The following PCDH7 variants were observed in gnomAD, a reference collection of about 807,000 sequenced individuals.
The protein encoded by PCDH7 is protocadherin-7.
PCDH7 carries 17 observed loss-of-function variants against 58.9 expected under a neutral mutation model. The observed-to-expected ratio is 0.29, with a 90% CI of 0.20 to 0.43. PCDH7 has a LOEUF of 0.43. Ranked by LOEUF, PCDH7 falls within the 20% of genes least tolerant of loss-of-function variation. PCDH7 has a pLI of 1.00. For synonymous variants in PCDH7, 664 were observed against 616.4 expected (o/e 1.08, Z -1.14); for missense variants, 1,274 against 1,441.0 (o/e 0.88, Z 1.88).
chr4:30,952,821 A>C (rs759566798), intron 3 of PCDH7, among the ~76,000 whole-genome samples: 1 of 152,106 alleles, frequency 6.6e-6, no homozygotes, highest in Non-Finnish European at 1.5e-5. Flanking sequence ...GGAGCTATGC[A>C]TTTAGAACTA....
Position 30,795,661 on chromosome 4 carries a change from C to CT in PCDH7, c.70+71066dup, listed in dbSNP as rs531549386. On this transcript the variant is annotated intron_variant, in intron 1 of 3. Transcript: ENST00000509759. ...GCAAGGTTGTGTCTGATTTTAAACC[C>CT]TAATTTCCCTAAATGTTTGCAGGCA... Among the ~76,000 whole-genome samples, 513 of 152,280 alleles carry CT rather than the reference C, an allele frequency of 3.4e-3. 3 individuals are homozygous for CT. Among genetic ancestry groups the CT allele is most frequent in the African/African-American group, 0.012 (487 of 41,546 alleles).
intron 3 of PCDH7, among the ~76,000 whole-genome samples, chr4:31,020,664 A>C (rs1753952214): frequency 6.6e-6 from 1 of 152,212 alleles, no homozygotes; most frequent in Admixed American, 6.5e-5. Flanking sequence ...GAAACTAAAC[A>C]CTTTGTCTTC....
intron 2 of PCDH7, among the ~76,000 whole-genome samples, chr4:30,947,931 T>C (rs1746904419): frequency 1.3e-5 from 2 of 152,196 alleles, no homozygotes; most frequent in Admixed American, 6.5e-5. Context: ...TTTTTTTAGC[T>C]TCTACATGTG....
At position 30,758,940 on chromosome 4, in the gene PCDH7, G is replaced by GTTTT. The variant is rs11463767; in HGVS notation, c.70+34360_70+34363dup. The stretch of plus-strand genomic sequence containing the variant: ...ATTTTTTGTATTTATTTGAAGAAGT[G>GTTTT]TTTTTTTTTTTTTTTTTTTGTGATA... On this transcript the variant is annotated intron_variant, in intron 1 of 3. Coordinates refer to the PCDH7 transcript ENST00000509759. Among the ~76,000 whole-genome samples the GTTTT allele has an allele frequency of 1.8e-3, 228 of 124,214 alleles. 12 individuals are homozygous for GTTTT. Among genetic ancestry groups the GTTTT allele is most frequent in the African/African-American group, 5.4e-3 (178 of 32,794 alleles). 81.5% of individuals were successfully genotyped at this position (124,214 alleles called of 152,430 possible). A position where few individuals can be genotyped will look rare whatever the true frequency, so the allele number is the denominator to read the frequency against.
chr4:31,137,448 G>A (rs866398937), intron 3 of PCDH7, among the ~76,000 whole-genome samples: 4 of 152,142 alleles, frequency 2.6e-5, no homozygotes, highest in Non-Finnish European at 5.9e-5. Flanking sequence ...GCCTGGTTTG[G>A]TGGTGCATGC....
chr4:31,136,378 G>A (rs1005925251), intron 3 of PCDH7, among the ~76,000 whole-genome samples: 4 of 152,170 alleles, frequency 2.6e-5, no homozygotes, highest in African/African-American at 9.7e-5. Flanking sequence ...CAGCTTCTAC[G>A]TGGTTGAGCC....
intron 1 of PCDH7, among the ~76,000 whole-genome samples, chr4:30,809,123 CT>C (rs1422568701): frequency 1.3e-5 from 2 of 152,180 alleles, no homozygotes; most frequent in Admixed American, 6.5e-5. Context: ...AGTCTACAAC[CT>C]TTTAAAAAAT....
intron 3 of PCDH7, among the ~76,000 whole-genome samples, chr4:31,108,153 C>T (rs988951740): frequency 1.3e-5 from 2 of 151,506 alleles, no homozygotes; most frequent in African/African-American, 4.8e-5. Context: ...CAAAATAGAC[C>T]AGATCATGTT....
intron 3 of PCDH7, among the ~76,000 whole-genome samples, chr4:31,057,769 G>A (rs996462165): frequency 2.0e-5 from 3 of 151,936 alleles, no homozygotes; most frequent in Non-Finnish European, 2.9e-5. Context: ...CATTTCTTTA[G>A]AAGAGGCTTA....
intron 1 of PCDH7, among the ~76,000 whole-genome samples, chr4:30,800,178 A>T (rs1725354735): frequency 6.6e-6 from 1 of 152,028 alleles, no homozygotes; most frequent in African/African-American, 2.4e-5. Context: ...ACTTCTACTG[A>T]TATCATAAGT....
intron 3 of PCDH7, among the ~76,000 whole-genome samples, chr4:30,999,626 A>C (rs932519598): frequency 6.6e-6 from 1 of 152,134 alleles, no homozygotes; most frequent in East Asian, 1.9e-4. Flanking sequence ...GCCTTTTGTA[A>C]AGACACGGGA....
At chr4:30,913,437 A>T (rs1220707471) in intron 1 of PCDH7, among the ~76,000 whole-genome samples, 1 of 152,160 alleles carries the variant, frequency 6.6e-6, no homozygotes, top group East Asian at 1.9e-4. Flanking sequence ...TCTTCTAGTG[A>T]ATTTGAAATA....
At chr4:31,127,613 G>A (rs1718454397) in intron 3 of PCDH7, among the ~76,000 whole-genome samples, 1 of 151,928 alleles carries the variant, frequency 6.6e-6, no homozygotes, top group Non-Finnish European at 1.5e-5. Context: ...TGAAATCTAG[G>A]GAATTAAGTG....
intron 2 of PCDH7, among the ~76,000 whole-genome samples, chr4:30,947,723 T>C (rs1486676298): frequency 6.6e-6 from 1 of 152,196 alleles, no homozygotes; most frequent in African/African-American, 2.4e-5. Flanking sequence ...GTCCTTCTTC[T>C]AGCTATGTGA....
At chr4:30,833,786 C>T (rs891363845) in intron 1 of PCDH7, among the ~76,000 whole-genome samples, 1 of 152,166 alleles carries the variant, frequency 6.6e-6, no homozygotes, top group Admixed American at 6.5e-5. Context: ...TTGTTACATG[C>T]ACTATGTGCC....
At chr4:31,132,844 C>T (rs887923797) in intron 3 of PCDH7, among the ~76,000 whole-genome samples, 2 of 152,120 alleles carry the variant, frequency 1.3e-5, no homozygotes, top group African/African-American at 4.8e-5. Context: ...AAATGTTGAA[C>T]ATGGATTGTA....
chr4:31,010,154 A>G (rs1260691666), intron 3 of PCDH7, among the ~76,000 whole-genome samples: 2 of 152,096 alleles, frequency 1.3e-5, no homozygotes, highest in South Asian at 4.2e-4. Context: ...CCACATTCAC[A>G]TTTATAAAGC....
chr4:30,756,817 G>T (rs1471749087), intron 1 of PCDH7, among the ~76,000 whole-genome samples: 1 of 152,068 alleles, frequency 6.6e-6, no homozygotes, highest in Non-Finnish European at 1.5e-5. Flanking sequence ...GTCTTCCTTT[G>T]TACGTATTTA....
chr4:30,977,438 G>A (rs1436914529), intron 3 of PCDH7, among the ~76,000 whole-genome samples: 3 of 152,088 alleles, frequency 2.0e-5, no homozygotes, highest in Non-Finnish European at 2.9e-5. Flanking sequence ...ATGTCAGAAC[G>A]AGACCAACCT....
Sources: gnomAD v4.1 joint callset for allele counts (sites outside exome capture counted in the v4.1 genomes callset) on GRCh38, gnomAD v4.1.1 for gene constraint, MANE v1.5 for transcripts, NCBI Gene and HGNC (gene_info 2026-07-23, HGNC 2026-07-21) for gene names.